The following CKAP2 variants were observed in gnomAD, a reference collection of about 807,000 sequenced individuals.
CKAP2 encodes the protein cytoskeleton-associated protein 2.
A neutral mutation model predicts 58.4 loss-of-function variants in CKAP2; 46 were observed. That is an observed-to-expected ratio of 0.79 (90% CI 0.62 to 1.01). The LOEUF is 1.01. CKAP2 is among the 50% of genes least tolerant of loss of function. The probability of loss-of-function intolerance (pLI) is 0.00; values close to 1 mark genes in which losing one functional copy is unlikely to be tolerated. For synonymous variants in CKAP2, 293 were observed against 280.9 expected, an observed-to-expected ratio of 1.04 and a Z score of -0.43; for missense variants, 809 against 796.4, an observed-to-expected ratio of 1.02 and a Z score of -0.19.
chr13:52,462,779 C>A (rs945822045), intron 5 of CKAP2, among the ~76,000 whole-genome samples: 3 of 152,146 alleles, frequency 2.0e-5, no homozygotes, highest in Non-Finnish European at 2.9e-5. Flanking sequence ...CTTTAACTGA[C>A]TACATTTTGC....
chr13:52,465,898 C>T, intron 6 of CKAP2: 1 of 231,728 alleles, frequency 4.3e-6, no homozygotes, highest in Non-Finnish European at 8.6e-6. Flanking sequence ...CGAATGTACT[C>T]ATATATGTAT....
chr13:52,465,930 CACACATATATAT>C lies in CKAP2; in HGVS notation c.1476+478_1476+489del, dbSNP rs58693527. On this transcript the variant is annotated intron_variant, in intron 6 of 8. Transcript: ENST00000258607. ...GTATATATATACACACATATATATA[CACACATATATAT>C]ACACATATATATGCACACATATATA... The C allele has an allele frequency of 4.7e-3, 1,505 of 317,694 alleles. 21 individuals carry two copies. The highest frequency in any genetic ancestry group is 0.031 in the African/African-American group (1,404 of 45,780). The allele number at this position is 317,694 out of a possible 1,614,324, so 19.7% of individuals were successfully genotyped here. A position where few individuals can be genotyped will look rare whatever the true frequency, so the allele number is the denominator to read the frequency against.
intron 8 of CKAP2, among the ~76,000 whole-genome samples, 168 bp downstream of exon 8, chr13:52,474,252 G>A (rs368364025): frequency 7.9e-5 from 12 of 152,248 alleles, no homozygotes; most frequent in East Asian, 1.9e-4. Flanking sequence ...TTGGGAGGCC[G>A]AAGCAGACAG....
rs149189169 is a variant in CKAP2, at chr13:52,461,120, T to C, written c.294T>C (p.His98=). 2 of 1,611,242 alleles carry C rather than the reference T, an allele frequency of 1.2e-6. No homozygotes were observed. The highest frequency in any genetic ancestry group is 1.3e-5 in the African/African-American group (1 of 74,748). ...ESKNNTVVGK[H]CIPLKPSNEL... ...AAAATAATACAGTGGTGGGGAAACA[T>C]TGTATTCCTTTAAAACCTTCAAATG... Residue 98 remains histidine (H), a synonymous_variant, in exon 4 of 9, where the codon CAT becomes CAC. Coordinates refer to ENST00000258607, the MANE Select transcript of CKAP2 (RefSeq NM_018204.5).
chr13:52,460,856 G>A (rs1196111744), intron 2 of CKAP2, 43 bp from the exon 3 acceptor site: 2 of 1,563,204 alleles, frequency 1.3e-6, no homozygotes, highest in Non-Finnish European at 1.8e-6. Flanking sequence ...AGCCTCCTTG[G>A]TACAGGATTG....
chr13:52,470,734 A>G (rs566025566), intron 7 of CKAP2, among the ~76,000 whole-genome samples: 5 of 152,322 alleles, frequency 3.3e-5, no homozygotes, highest in African/African-American at 9.6e-5. Context: ...GTACCAAGGG[A>G]ACATACAGAA....
At chr13:52,459,428 T>C (rs956672947) in intron 2 of CKAP2, among the ~76,000 whole-genome samples, 1 of 152,102 alleles carries the variant, frequency 6.6e-6, no homozygotes, top group African/African-American at 2.4e-5. Context: ...GTTCAAGCGA[T>C]TCTCCTGCCT....
In CKAP2 at chr13:52,461,349, C is replaced by A. The variant is rs558016936; in HGVS notation, c.523C>A (p.Leu175Ile). Residue 175 changes from leucine (L) to isoleucine (I), a missense_variant, in exon 4 of 9, where the codon CTT (leucine) becomes ATT (isoleucine). Physicochemically the swap from Leu to Ile is conservative, Grantham distance 5 (BLOSUM62 2). Coordinates refer to ENST00000258607, the MANE Select transcript of CKAP2 (RefSeq NM_018204.5). ...TGCTAACATGCCCAAGAAACCTGTGCTTGGATCTTATCGTGGCCAGATTGT... is the reference window on the plus strand; with the variant it reads ...TGCTAACATGCCCAAGAAACCTGTGATTGGATCTTATCGTGGCCAGATTGT... ...QDANMPKKPV[L>I]GSYRGQIVQS... 6.2e-7 allele frequency: 1 copy of A among 1,614,158 alleles called. No homozygotes were observed. Among genetic ancestry groups the A allele is most frequent in the Admixed American group, 1.7e-5 (1 of 60,018 alleles).
chr13:52,460,734 G>GTA, intron 2 of CKAP2, among the ~76,000 whole-genome samples, 165 bp from the exon 3 acceptor site: 1 of 148,840 alleles, frequency 6.7e-6, no homozygotes, highest in African/African-American at 2.5e-5. Context: ...TTACAGGCAT[G>GTA]AGCCACCGCG....
At chr13:52,466,280 C>T (rs1022581979) in intron 6 of CKAP2, among the ~76,000 whole-genome samples, 2 of 151,912 alleles carry the variant, frequency 1.3e-5, no homozygotes, top group Non-Finnish European at 2.9e-5. Context: ...AAATATGTTT[C>T]CTTTTGACCA....
intron 6 of CKAP2, chr13:52,465,934 C>CATATATATACACACAT (rs1566102088): frequency 2.9e-5 from 9 of 306,540 alleles, no homozygotes; most frequent in African/African-American, 1.6e-4. Context: ...TATATACACA[C>CATATATATACACACAT]ATATATATAC....
In CKAP2 at chr13:52,475,357, GTTT is replaced by G; in HGVS notation, c.*220_*222del. 1 of 537,628 alleles carries G rather than the reference GTTT, an allele frequency of 1.9e-6. No homozygotes were observed. The highest frequency in any genetic ancestry group is 3.2e-5 in the East Asian group (1 of 31,550). 33.3% of individuals were successfully genotyped at this position (537,628 alleles called of 1,614,324 possible). A position where few individuals can be genotyped will look rare whatever the true frequency, so the allele number is the denominator to read the frequency against. On this transcript the variant is annotated 3_prime_UTR_variant, in exon 9 of 9. Coordinates refer to ENST00000258607, the MANE Select transcript of CKAP2 (RefSeq NM_018204.5). Reference sequence around the variant, plus strand: ...TACCTTGTCAGTTTCAACCAACTGAGTTTTTTCTTTAAGAAAGGTAAATTTTGT... The same window carrying G: ...TACCTTGTCAGTTTCAACCAACTGAGTTTCTTTAAGAAAGGTAAATTTTGT...
At chr13:52,470,393 C>T (rs1958745578) in intron 7 of CKAP2, among the ~76,000 whole-genome samples, 1 of 152,156 alleles carries the variant, frequency 6.6e-6, no homozygotes, top group Middle Eastern at 3.2e-3. Flanking sequence ...GTGTGAGCCA[C>T]CGCACCCGGC....
In CKAP2 at chr13:52,475,769, G is replaced by T. The variant is rs1453812080; in HGVS notation, c.*628G>T. 1 of 152,084 alleles carries T rather than the reference G, an allele frequency of 6.6e-6. No homozygotes were observed. Among genetic ancestry groups the T allele is most frequent in the Non-Finnish European group, 1.5e-5 (1 of 68,032 alleles). 9.4% of individuals were successfully genotyped at this position (152,084 alleles called of 1,614,324 possible). On this transcript the variant is annotated 3_prime_UTR_variant, in exon 9 of 9. Transcript: ENST00000258607. ...CTTTTCGTCAGTAGTCTGTAGTTTC[G>T]TGGCCTCTTTTGATTATAACTGGGG...
At chr13:52,474,578 C>T (rs1479037651) in intron 8 of CKAP2, among the ~76,000 whole-genome samples, 1 of 152,212 alleles carries the variant, frequency 6.6e-6, no homozygotes, top group Non-Finnish European at 1.5e-5. Flanking sequence ...CTTTCCCTAA[C>T]TATTGCCATT....
chr13:52,468,175 C>A, intron 6 of CKAP2, 103 bp from the exon 7 acceptor site: 1 of 665,014 alleles, frequency 1.5e-6, no homozygotes, highest in Non-Finnish European at 2.6e-6. Flanking sequence ...GCCACTCTTA[C>A]TTTAAAATAC....
In CKAP2 at chr13:52,467,517, G is replaced by A. The variant is rs1297659367; in HGVS notation, c.1477-761G>A. On this transcript the variant is annotated intron_variant, in intron 6 of 8. Transcript: ENST00000258607. ...TGAGGTCAGGAGTTCAAGCAAGCCT[G>A]GCCAGCATGGTGAAACTCTGCCTCT... 5.5e-4 allele frequency among the ~76,000 whole-genome samples: 83 copies of A among 152,200 alleles called. 1 individual carries two copies. The highest frequency in any genetic ancestry group is 1.6e-4 in the Non-Finnish European group (11 of 67,996).
At position 52,465,461 on chromosome 13, in the gene CKAP2, C is replaced by T; in HGVS notation, c.1472C>T (p.Ala491Val). The T allele has an allele frequency of 1.9e-6, 3 of 1,611,456 alleles. No homozygotes were observed. Among genetic ancestry groups the T allele is most frequent in the Non-Finnish European group, 2.5e-6 (3 of 1,178,360 alleles). Residue 491 changes from alanine to valine, a missense_variant, in exon 6 of 9, where the codon GCT (alanine) becomes GTT (valine). Transcript: ENST00000258607. ...AIYEKAILAG[A>V]QPIEEMRHTI... ...TATGAGAAAGCCATTCTGGCAGGGG[C>T]TCAGGTAAGATAAAAATTTACTGAT...
chr13:52,474,882 T>C lies in CKAP2; in HGVS notation c.1803-13T>C. The C allele has an allele frequency of 6.2e-7, 1 of 1,606,080 alleles. No individual in the cohort carries two copies. On this transcript the variant is annotated splice_polypyrimidine_tract_variant and intron_variant, in intron 8 of 8. Transcript: ENST00000258607. Reference sequence around the variant, plus strand: ...CATGTTTTTGAACTCTGGAATATTGTTTTAATTTTCAGTGTGAAAAAAAAG... The same window carrying C: ...CATGTTTTTGAACTCTGGAATATTGCTTTAATTTTCAGTGTGAAAAAAAAG...
Sources: allele counts gnomAD v4.1 joint callset (sites outside exome capture counted in the v4.1 genomes callset), GRCh38; gene constraint gnomAD v4.1.1; transcripts MANE v1.5; gene names NCBI Gene and HGNC (gene_info 2026-07-23, HGNC 2026-07-21).